The following KLHL25 variants were observed in gnomAD, a reference collection of about 807,000 sequenced individuals.
KLHL25 encodes the protein kelch-like protein 25.
KLHL25 carries 41 observed loss-of-function variants against 30.0 expected under a neutral mutation model. That is an observed-to-expected ratio of 1.37 (90% CI 1.07 to 1.78). KLHL25 has a LOEUF of 1.78. KLHL25 is among the 40% of genes most tolerant of loss of function. KLHL25 has a pLI of 0.00. For synonymous variants in KLHL25, 399 were observed against 355.3 expected, an observed-to-expected ratio of 1.12 and a Z score of -1.38; for missense variants, 971 against 824.5, an observed-to-expected ratio of 1.18 and a Z score of -2.18.
intron 1 of KLHL25, among the ~76,000 whole-genome samples, 162 bp downstream of exon 1, chr15:85,794,604 C>T (rs1280470232): frequency 1.3e-5 from 2 of 152,116 alleles, no homozygotes; most frequent in Admixed American, 6.5e-5. Context: ...GTCCCAGGGC[C>T]CCGGCCCCAG....
intron 2 of KLHL25, among the ~76,000 whole-genome samples, chr15:85,766,361 G>T (rs1488085842): frequency 6.6e-6 from 1 of 152,188 alleles, no homozygotes; most frequent in Non-Finnish European, 1.5e-5. Flanking sequence ...CGGGAGAATG[G>T]CCAAGGGCTA....
chr15:85,763,565 GGA>G, intron 2 of KLHL25: 1 of 134,608 alleles, frequency 7.4e-6, no homozygotes, highest in Non-Finnish European at 1.6e-5. Context: ...CCAGAACAGG[GGA>G]AAAAAAATGC....
chr15:85,777,902 C>A (rs373345447), intron 1 of KLHL25, among the ~76,000 whole-genome samples: 3 of 152,166 alleles, frequency 2.0e-5, no homozygotes, highest in African/African-American at 7.2e-5. Flanking sequence ...ATCAAATGCA[C>A]GACTATCATG....
chr15:85,769,365 C>A lies in KLHL25; in HGVS notation c.446G>T (p.Cys149Phe). The change falls in exon 2 of 3, where the codon TGC becomes TTC. Residue 149 changes from cysteine (C) to phenylalanine (F), a missense_variant. Physicochemically the swap from Cys to Phe is radical, Grantham distance 205. Transcript: ENST00000337975. ...FLEKNLFPSN[C>F]LGMMLLSDAH... ...GTCCGAGAGCAGCATCATGCCCAGG[C>A]AGTTGGAGGGGAAAAGGTTCTTCTC... 1.2e-6 allele frequency: 2 copies of A among 1,614,160 alleles called. No homozygotes were observed. Among genetic ancestry groups the A allele is most frequent in the Non-Finnish European group, 1.7e-6 (2 of 1,180,034 alleles).
Position 85,789,831 on chromosome 15 carries a change from C to A in KLHL25, c.-11+4935G>T, listed in dbSNP as rs1218364043. On this transcript the variant is annotated intron_variant, in intron 1 of 2. Transcript: ENST00000337975. The surrounding 1 kb of genome is among the most constrained non-coding windows in gnomAD (Gnocchi z 4.1). ...CTCCCCTGATGCAGTCTTCTGTCTC[C>A]ACCAGCCCCTTCGCAGGAGGCCTCA... Among the ~76,000 whole-genome samples, 2 of 152,168 alleles carry A rather than the reference C, an allele frequency of 1.3e-5. No homozygotes were observed. The highest frequency in any genetic ancestry group is 1.3e-4 in the Admixed American group (2 of 15,276).
intron 1 of KLHL25, 100 bp downstream of exon 1, chr15:85,794,666 G>C (rs1231321109): frequency 6.6e-6 from 1 of 152,132 alleles, no homozygotes; most frequent in Non-Finnish European, 1.5e-5. Context: ...CCGAGCGCTT[G>C]GTCCCGGCCC....
intron 1 of KLHL25, among the ~76,000 whole-genome samples, chr15:85,771,798 A>C (rs776607677): frequency 3.4e-4 from 52 of 151,826 alleles, no homozygotes; most frequent in Non-Finnish European, 6.8e-4. Flanking sequence ...CCTGTACCTC[A>C]CTATTATTTT....
intron 1 of KLHL25, among the ~76,000 whole-genome samples, chr15:85,772,230 C>T (rs886868060): frequency 1.4e-4 from 21 of 152,190 alleles, no homozygotes; most frequent in African/African-American, 4.3e-4. Flanking sequence ...AATTCTAGTT[C>T]GAGCCCTGGG....
chr15:85,785,982 G>A (rs1468460356), intron 1 of KLHL25, among the ~76,000 whole-genome samples: 2 of 108,872 alleles, frequency 1.8e-5, no homozygotes, highest in African/African-American at 3.3e-5. Context: ...GCCCCAGGAG[G>A]ACCCATGCAA....
Position 85,768,919 on chromosome 15 carries a change from G to A in KLHL25, c.892C>T (p.Leu298Phe). Reference protein sequence around the residue: ...ARPRKAGHTLLILGGQTFMCD... With the variant: ...ARPRKAGHTLFILGGQTFMCD... ...ATGAAGGTCTGGCCCCCCAGGATGA[G>A]TAGCGTGTGGCCCGCCTTGCGTGGC... The change falls in exon 2 of 3, where the codon CTC becomes TTC. Residue 298 changes from leucine to phenylalanine, a missense_variant. Coordinates refer to ENST00000337975, the MANE Select transcript of KLHL25 (RefSeq NM_022480.4). 6.2e-7 allele frequency: 1 copy of A among 1,613,364 alleles called. No individual in the cohort carries two copies. Among genetic ancestry groups the A allele is most frequent in the African/African-American group, 1.3e-5 (1 of 75,076 alleles).
At chr15:85,791,756 T>C (rs1338192822) in intron 1 of KLHL25, among the ~76,000 whole-genome samples, 1 of 152,118 alleles carries the variant, frequency 6.6e-6, no homozygotes, top group African/African-American at 2.4e-5. Context: ...TGACACCCAC[T>C]TGGTGCCAGA....
chr15:85,766,282 T>C (rs1484983658), intron 2 of KLHL25, among the ~76,000 whole-genome samples: 2 of 152,198 alleles, frequency 1.3e-5, no homozygotes, highest in Non-Finnish European at 1.5e-5. Flanking sequence ...CGTCCTGTGC[T>C]GGAGGCAGAG....
chr15:85,774,867 CTTTT>C lies in KLHL25; in HGVS notation c.-10-5051_-10-5048del, dbSNP rs368416778. On this transcript the variant is annotated intron_variant, in intron 1 of 2. Coordinates refer to ENST00000337975, the MANE Select transcript of KLHL25 (RefSeq NM_022480.4). ...CCCTCCCCACTCCCGCAGTGCGATT[CTTTT>C]TTTCTTTTCTTTTTTTTTTTTTTGA... Among the ~76,000 whole-genome samples, 669 of 143,504 alleles carry C rather than the reference CTTTT, an allele frequency of 4.7e-3. 9 individuals are homozygous for C. Among genetic ancestry groups the C allele is most frequent in the African/African-American group, 0.016 (648 of 40,586 alleles). The allele number at this position is 143,504 out of a possible 152,430, so 94.1% of individuals were successfully genotyped here. A position where few individuals can be genotyped will look rare whatever the true frequency, so the allele number is the denominator to read the frequency against.
chr15:85,791,499 GA>G lies in KLHL25; in HGVS notation c.-11+3266del, dbSNP rs1233614153. On this transcript the variant is annotated intron_variant, in intron 1 of 2. Coordinates refer to ENST00000337975, the MANE Select transcript of KLHL25 (RefSeq NM_022480.4). ...GACAGAGCGAGACTCCTTCTCAAAAGAAAAAAAGGTTAATAAGCCACACACA... is the reference window on the plus strand; with the variant it reads ...GACAGAGCGAGACTCCTTCTCAAAAGAAAAAAGGTTAATAAGCCACACACA... 1.5e-4 allele frequency among the ~76,000 whole-genome samples: 23 copies of G among 152,024 alleles called. No homozygotes were observed. The East Asian group carries it at 4.3e-3, about 28-fold the overall frequency.
At chr15:85,792,864 C>T (rs1381962545) in intron 1 of KLHL25, among the ~76,000 whole-genome samples, 2 of 152,176 alleles carry the variant, frequency 1.3e-5, no homozygotes, top group African/African-American at 2.4e-5. Flanking sequence ...CTGCCTCTAT[C>T]ACTACGATGT....
At chr15:85,765,828 C>CA (rs35443769) in intron 2 of KLHL25, among the ~76,000 whole-genome samples, 1,439 of 103,578 alleles carry the variant, frequency 0.014, 22 homozygotes, top group Non-Finnish European at 0.02. Flanking sequence ...GAGACTGTCT[C>CA]AAAAAAAAAA....
chr15:85,769,656 G>A lies in KLHL25; in HGVS notation c.155C>T (p.Ala52Val), dbSNP rs374730004. 1.9e-5 allele frequency: 30 copies of A among 1,613,612 alleles called. No individual in the cohort carries two copies. Among genetic ancestry groups the A allele is most frequent in the Non-Finnish European group, 2.3e-5 (27 of 1,180,036 alleles). ...HCMFTDVTLW[A>V]GDRAFPCHRA... is the part of the protein sequence containing the mutation. ...GTGACAGGGGAAGGCACGGTCGCCC[G>A]CCCAGAGTGTGACGTCGGTGAACAT... Residue 52 changes from alanine to valine, a missense_variant, in exon 2 of 3, where the codon GCG (alanine) becomes GTG (valine). By Grantham distance (64) the Ala-to-Val change is moderately conservative. Coordinates refer to ENST00000337975, the MANE Select transcript of KLHL25 (RefSeq NM_022480.4).
At position 85,769,223 on chromosome 15, in the gene KLHL25, G is replaced by T; in HGVS notation, c.588C>A (p.Leu196=). The change falls in exon 2 of 3, where the codon CTC becomes CTA. Residue 196 remains leucine (L), a synonymous_variant. Coordinates refer to ENST00000337975, the MANE Select transcript of KLHL25 (RefSeq NM_022480.4). ...CGGTCTCCAGCTCATCACTCGAGAT[G>T]AGGTCCAGCAGTGTGTCCTTGGACA... ...NSLSKDTLLD[L]ISSDELETED... The T allele has an allele frequency of 6.2e-7, 1 of 1,613,804 alleles. No individual in the cohort carries two copies. Among genetic ancestry groups the T allele is most frequent in the Non-Finnish European group, 8.5e-7 (1 of 1,180,028 alleles).
At chr15:85,794,560 GCGGGGTGC>G (rs1175227025) in intron 1 of KLHL25, among the ~76,000 whole-genome samples, 198 bp downstream of exon 1, 1 of 152,140 alleles carries the variant, frequency 6.6e-6, no homozygotes, top group Non-Finnish European at 1.5e-5. Context: ...TCGCGGAGCC[GCGGGGTGC>G]CGGCCGGCCG....
Sources: allele counts gnomAD v4.1 joint callset (sites outside exome capture counted in the v4.1 genomes callset), GRCh38; gene constraint gnomAD v4.1.1; non-coding constraint Gnocchi (gnomAD v3.1); transcripts MANE v1.5; gene names NCBI Gene and HGNC (gene_info 2026-07-23, HGNC 2026-07-21).